NDST3: variants seen among roughly 807,000 people sequenced by gnomAD.
NDST3 encodes the protein N-deacetylase and N-sulfotransferase 3.
NDST3 carries 58 observed loss-of-function variants against 96.1 expected under a neutral mutation model. The observed-to-expected ratio is 0.60, with a 90% confidence interval of 0.49 to 0.75. The LOEUF (loss-of-function observed/expected upper bound fraction) is 0.75, where lower values mean the gene tolerates loss of function less well. Among genes scored for constraint, NDST3 ranks in the 30% least tolerant of loss-of-function variants. The probability of loss-of-function intolerance (pLI) is 0.00; values close to 1 mark genes in which losing one functional copy is unlikely to be tolerated. For missense variants in NDST3, 788 were observed against 1,034.2 expected (o/e 0.76, Z 3.27); for synonymous variants, 333 against 359.7 (o/e 0.93, Z 0.84).
chr4:118,102,455 AT>A (rs1470874722), intron 2 of NDST3, among the ~76,000 whole-genome samples: 1 of 152,090 alleles, frequency 6.6e-6, no homozygotes, highest in Admixed American at 6.6e-5. Flanking sequence ...CACTGACTTA[AT>A]TTATTATAAT....
chr4:118,243,369 A>T (rs1741124236), intron 12 of NDST3, among the ~76,000 whole-genome samples: 1 of 152,206 alleles, frequency 6.6e-6, no homozygotes, highest in Non-Finnish European at 1.5e-5. Context: ...TTTGCTGTAG[A>T]GGACAAAGGA....
intron 2 of NDST3, among the ~76,000 whole-genome samples, chr4:118,068,136 A>T (rs1319798981): frequency 6.9e-6 from 1 of 144,962 alleles, no homozygotes; most frequent in African/African-American, 2.5e-5. Flanking sequence ...TCACTTACAT[A>T]TGACATAGTC....
chr4:118,112,725 G>A (rs556906091), intron 3 of NDST3, among the ~76,000 whole-genome samples: 4 of 152,018 alleles, frequency 2.6e-5, no homozygotes, highest in African/African-American at 4.8e-5. Flanking sequence ...TTATCACCTC[G>A]AATTTAGAAG....
intron 1 of NDST3, among the ~76,000 whole-genome samples, chr4:118,047,976 GAGA>G (rs1302291426): frequency 1.3e-5 from 2 of 152,116 alleles, no homozygotes; most frequent in African/African-American, 2.4e-5. Flanking sequence ...GGCAGCTAGA[GAGA>G]AGAAGGGTCA....
chr4:118,164,597 A>T (rs764820119), intron 6 of NDST3, among the ~76,000 whole-genome samples: 1 of 152,194 alleles, frequency 6.6e-6, no homozygotes, highest in Non-Finnish European at 1.5e-5. Flanking sequence ...CTTCAAGTTG[A>T]AATGAAAACA....
chr4:118,054,887 T>C lies in NDST3; in HGVS notation c.977T>C (p.Val326Ala). 1 of 1,609,178 alleles carries C rather than the reference T, an allele frequency of 6.2e-7. No homozygotes were observed. Among genetic ancestry groups the C allele is most frequent in the Non-Finnish European group, 8.5e-7 (1 of 1,178,950 alleles). ...GGAACAAGAATGAACACCAATGATG[T>C]AAAGGTAAGGCTCTATTTTCTCAAG... The part of the protein sequence containing the change: ...KEGTRMNTND[V>A]KALLDTQNLL... Residue 326 changes from valine (V) to alanine (A), a missense_variant, in exon 2 of 14, where the codon GTA (valine) becomes GCA (alanine). Physicochemically the swap from Val to Ala is moderately conservative, Grantham distance 64 (BLOSUM62 0). Transcript: ENST00000296499.
rs59628763 is a variant in NDST3 at position 118,058,594 on chromosome 4, AGTGT to A, written c.981+3741_981+3744del. 7.3e-3 allele frequency among the ~76,000 whole-genome samples: 592 copies of A among 81,040 alleles called. 4 individuals carry two copies. The highest frequency in any genetic ancestry group is 0.018 in the African/African-American group (529 of 29,532). 53.2% of individuals were successfully genotyped at this position (81,040 alleles called of 152,430 possible). On this transcript the variant is annotated intron_variant, in intron 2 of 13. Coordinates refer to ENST00000296499, the MANE Select transcript of NDST3 (RefSeq NM_004784.3). ...TTTCAGTGAAATTGAAGTCAGGAAA[AGTGT>A]GTGTGTGTGTGTGTGTGTGTGTGTG...
Position 118,218,292 on chromosome 4 carries a change from A to G in NDST3, c.1540-6199A>G, listed in dbSNP as rs187183490. On this transcript the variant is annotated intron_variant, in intron 6 of 13. Transcript: ENST00000296499. The stretch of plus-strand genomic sequence containing the variant: ...GATGAACATCGACATGAAAATCCTC[A>G]GTAAAATACTGACAAACCAGATCCA... Among the ~76,000 whole-genome samples the G allele has an allele frequency of 2.2e-4, 33 of 152,306 alleles. No homozygotes were observed. In the East Asian group the frequency reaches 5.8e-3, roughly 27 times the overall value.
At chr4:118,046,825 A>G (rs1051628497) in intron 1 of NDST3, among the ~76,000 whole-genome samples, 1 of 152,178 alleles carries the variant, frequency 6.6e-6, no homozygotes, top group African/African-American at 2.4e-5. Context: ...CATGGGCTGG[A>G]GTGGGAGGGG....
chr4:118,126,811 C>G (rs1732134617), intron 4 of NDST3, among the ~76,000 whole-genome samples: 1 of 152,024 alleles, frequency 6.6e-6, no homozygotes, highest in South Asian at 2.1e-4. Context: ...TCCCCACCAA[C>G]AGCGTATAAC....
chr4:118,183,033 A>T (rs1560702433), intron 6 of NDST3, among the ~76,000 whole-genome samples: 1 of 152,114 alleles, frequency 6.6e-6, no homozygotes, highest in Non-Finnish European at 1.5e-5. Flanking sequence ...CAAACAAACA[A>T]TCACCAGATT....
chr4:118,148,261 G>A (rs1178656266), intron 6 of NDST3, among the ~76,000 whole-genome samples: 2 of 152,148 alleles, frequency 1.3e-5, no homozygotes, highest in Non-Finnish European at 2.9e-5. Context: ...TCACGCCACT[G>A]CACTCCAGCC....
intron 4 of NDST3, among the ~76,000 whole-genome samples, chr4:118,116,601 T>C (rs1194013977): frequency 2.0e-5 from 3 of 152,210 alleles, no homozygotes; most frequent in Admixed American, 2.0e-4. Context: ...CTCATGCCTG[T>C]AATCCCAGCA....
chr4:118,084,320 C>CTTTATTTT (rs1728250486), intron 2 of NDST3, among the ~76,000 whole-genome samples: 1 of 152,040 alleles, frequency 6.6e-6, no homozygotes, highest in Non-Finnish European at 1.5e-5. Flanking sequence ...CCCATAACAT[C>CTTTATTTT]ATTTTGTTTA....
intron 6 of NDST3, among the ~76,000 whole-genome samples, chr4:118,168,397 TA>T (rs1377700251): frequency 1.3e-5 from 2 of 151,990 alleles, no homozygotes; most frequent in African/African-American, 4.8e-5. Flanking sequence ...TTCATATATA[TA>T]AATATAAGTA....
At chr4:118,232,923 T>C in intron 8 of NDST3, 89 bp from the exon 9 acceptor site, 1 of 1,266,172 alleles carries the variant, frequency 7.9e-7, no homozygotes, top group Non-Finnish European at 1.1e-6. Context: ...GTTTGGATCA[T>C]TCTAATATTT....
At chr4:118,058,605 G>GAAA (rs1725633175) in intron 2 of NDST3, among the ~76,000 whole-genome samples, 1 of 34,482 alleles carries the variant, frequency 2.9e-5, no homozygotes, top group African/African-American at 4.5e-5. Context: ...GTGTGTGTGT[G>GAAA]TGTGTGTGTG....
intron 10 of NDST3, among the ~76,000 whole-genome samples, chr4:118,239,892 T>TG (rs1553948900): frequency 5.3e-5 from 8 of 152,142 alleles, no homozygotes; most frequent in Non-Finnish European, 1.0e-4. Context: ...TGAGCAATCC[T>TG]GTTGGATTGC....
chr4:118,177,564 C>T (rs1422778695), intron 6 of NDST3, among the ~76,000 whole-genome samples: 1 of 151,854 alleles, frequency 6.6e-6, no homozygotes, highest in Non-Finnish European at 1.5e-5. Context: ...ACATCATGAC[C>T]CTATAGATTT....
Sources: gnomAD v4.1 joint callset for allele counts (sites outside exome capture counted in the v4.1 genomes callset) on GRCh38, gnomAD v4.1.1 for gene constraint, MANE v1.5 for transcripts, NCBI Gene and HGNC (gene_info 2026-07-23, HGNC 2026-07-21) for gene names.